The following MLXIP variants were observed in gnomAD, a reference collection of about 807,000 sequenced individuals.
MLXIP encodes MLX interacting protein.
A neutral mutation model predicts 87.2 loss-of-function variants in MLXIP; 30 were observed. The ratio of observed to expected loss-of-function variants is 0.34; its 90% CI spans 0.26 to 0.47. The LOEUF is 0.47. Ranked by LOEUF, MLXIP falls within the 20% of genes least tolerant of loss-of-function variation. The pLI, the probability that MLXIP is intolerant of heterozygous loss-of-function variation, is 1.00. For synonymous variants in MLXIP, 530 were observed against 514.0 expected, an observed-to-expected ratio of 1.03 and a Z score of -0.42; for missense variants, 1,002 against 1,240.1, an observed-to-expected ratio of 0.81 and a Z score of 2.88.
chr12:122,137,626 G>A lies in MLXIP; in HGVS notation c.2154+36G>A. The A allele has an allele frequency of 8.7e-6, 14 of 1,607,930 alleles. No homozygotes were observed. Among genetic ancestry groups the A allele is most frequent in the Non-Finnish European group, 1.2e-5 (14 of 1,177,104 alleles). On this transcript the variant is annotated intron_variant, in intron 12 of 16. Transcript: ENST00000319080. This position sits in a 1 kb window ranked among gnomAD's most constrained non-coding sequence, Gnocchi z 4.1. ...TCTCCTCTTGGTTCCCTTGGGAGGA[G>A]GGGAGAGGAGTGCAGGACATCAAGG...
rs1415884338 is a variant in MLXIP at position 122,142,202 on chromosome 12, GC to G, written c.*392del. On this transcript the variant is annotated 3_prime_UTR_variant, in exon 17 of 17. Coordinates refer to ENST00000319080, the MANE Select transcript of MLXIP (RefSeq NM_014938.6). ...GGGCCTGCTCCTGTCCTGAGGCCCA[GC>G]CTTGTCCCTCCTGCCACGTCCTGTC... 1.4e-6 allele frequency: 1 copy of G among 701,080 alleles called. No homozygotes were observed. Among genetic ancestry groups the G allele is most frequent in the Non-Finnish European group, 2.6e-6 (1 of 384,612 alleles). 43.4% of individuals were successfully genotyped at this position (701,080 alleles called of 1,614,324 possible). A position where few individuals can be genotyped will look rare whatever the true frequency, so the allele number is the denominator to read the frequency against.
intron 1 of MLXIP, among the ~76,000 whole-genome samples, chr12:122,114,737 C>CTTT (rs1278951793): frequency 3.3e-5 from 4 of 121,044 alleles, no homozygotes; most frequent in South Asian, 2.7e-4. Context: ...AAGGTGACTT[C>CTTT]TTTTTTTTTT....
chr12:122,132,218 G>A (rs1351686555), intron 7 of MLXIP, 74 bp from the exon 8 acceptor site: 2 of 1,198,044 alleles, frequency 1.7e-6, no homozygotes, highest in South Asian at 1.3e-5. Flanking sequence ...CACCGTGCCT[G>A]GCCCTGTTTG....
rs1952281202 is a variant in MLXIP, at chr12:122,093,458, TGTATGTTTGCG to T, written c.413+14195_413+14205del. ...GTGTGTGTTGTATGTGTGGGGTGTG[TGTATGTTTGCG>T]GTGTGTTTGGTGTGTGGTGTGTGTG... On this transcript the variant is annotated intron_variant, in intron 1 of 16. Transcript: ENST00000319080. Among the ~76,000 whole-genome samples, 17 of 143,124 alleles carry T rather than the reference TGTATGTTTGCG, an allele frequency of 1.2e-4. 1 individual carries two copies. In the South Asian group the frequency reaches 3.7e-3, roughly 31 times the overall value. The allele number at this position is 143,124 out of a possible 152,430, so 93.9% of individuals were successfully genotyped here. A position where few individuals can be genotyped will look rare whatever the true frequency, so the allele number is the denominator to read the frequency against.
At chr12:122,108,219 T>C (rs539322430) in intron 1 of MLXIP, among the ~76,000 whole-genome samples, 1 of 151,854 alleles carries the variant, frequency 6.6e-6, no homozygotes, top group Non-Finnish European at 1.5e-5. Flanking sequence ...AATACAAAAA[T>C]TAGCCAGGTA....
intron 4 of MLXIP, 44 bp from the exon 5 acceptor site, chr12:122,129,544 C>G: frequency 6.2e-7 from 1 of 1,607,786 alleles, no homozygotes. Flanking sequence ...TTGGGCCCTC[C>G]TAGGGCCATT....
At position 122,137,472 on chromosome 12, in the gene MLXIP, G is replaced by T. The variant is rs772995790; in HGVS notation, c.2036G>T (p.Arg679Leu). The T allele has an allele frequency of 6.2e-7, 1 of 1,613,580 alleles. No individual in the cohort carries two copies. Among genetic ancestry groups the T allele is most frequent in the Admixed American group, 1.7e-5 (1 of 59,968 alleles). ...CAGAGGAGTCTGTTCTTACCAGGTC[G>T]GGACTGCCCAAACTCAGGGCAGGCC... Reference protein sequence around the residue: ...SPQVTVTGPSRDCPNSGQASP... With the variant: ...SPQVTVTGPSLDCPNSGQASP... Residue 679 changes from arginine to leucine, a missense_variant, in exon 12 of 17, where the codon CGG (arginine) becomes CTG (leucine). Arg to Leu is a moderately radical substitution (Grantham distance 102). Around this residue, in one of 3 missense-constraint regions of MLXIP, gnomAD observed 746 missense variants for 897.0 expected, o/e 0.83. Coordinates refer to ENST00000319080, the MANE Select transcript of MLXIP (RefSeq NM_014938.6). This position sits in a 1 kb window ranked among gnomAD's most constrained non-coding sequence, Gnocchi z 4.1.
intron 1 of MLXIP, among the ~76,000 whole-genome samples, chr12:122,118,004 G>A (rs1368815633): frequency 6.6e-6 from 1 of 152,154 alleles, no homozygotes; most frequent in Non-Finnish European, 1.5e-5. Flanking sequence ...GCTTCTCTAG[G>A]TCATATCTGA....
chr12:122,113,393 G>C (rs984347517), intron 1 of MLXIP, among the ~76,000 whole-genome samples: 5 of 151,570 alleles, frequency 3.3e-5, no homozygotes, highest in African/African-American at 7.3e-5. Flanking sequence ...TCAGCCTCCC[G>C]AGTAGCTGGG....
At chr12:122,140,553 C>T (rs533005365) in intron 15 of MLXIP, among the ~76,000 whole-genome samples, 293 of 152,260 alleles carry the variant, frequency 1.9e-3, no homozygotes, top group Non-Finnish European at 3.5e-3. Context: ...CTCAGCCCCC[C>T]AAAGTGCTGG....
intron 1 of MLXIP, among the ~76,000 whole-genome samples, chr12:122,106,595 CTTTTTTTTTTTTT>C (rs1162475087): frequency 1.6e-5 from 1 of 62,872 alleles, no homozygotes; most frequent in African/African-American, 5.9e-5. Context: ...ATCGCAGGTT[CTTTTTTTTTTTTT>C]TTTTTTTTTT....
At chr12:122,079,496 T>A (rs1952060995) in intron 1 of MLXIP, among the ~76,000 whole-genome samples, 1 of 152,152 alleles carries the variant, frequency 6.6e-6, no homozygotes, top group South Asian at 2.1e-4. Context: ...ACGTTCCCCA[T>A]CCAGGCCCTC....
chr12:122,124,042 G>A (rs1302303570), intron 1 of MLXIP, among the ~76,000 whole-genome samples: 1 of 152,148 alleles, frequency 6.6e-6, no homozygotes, highest in Non-Finnish European at 1.5e-5. Context: ...GGTCAGGTTG[G>A]CTATCCACCT....
At chr12:122,103,386 G>C (rs566796841) in intron 1 of MLXIP, among the ~76,000 whole-genome samples, 2 of 151,856 alleles carry the variant, frequency 1.3e-5, no homozygotes, top group Non-Finnish European at 2.9e-5. Flanking sequence ...CACCATGCCC[G>C]GCTAATTTTT....
chr12:122,141,764 G>A lies in MLXIP; in HGVS notation c.2712G>A (p.Gln904=), dbSNP rs1217635564. The change falls in exon 17 of 17, where the codon CAG becomes CAA. Residue 904 remains glutamine (Q), a synonymous_variant. Coordinates refer to ENST00000319080, the MANE Select transcript of MLXIP (RefSeq NM_014938.6). The part of the protein sequence containing the change: ...ILTDPAQLPE[Q]ASKAVTRIGK... ...CAGACCCGGCACAGCTGCCAGAGCA[G>A]GCGTCCAAGGCTGTCACCAGGATTG... 6.2e-7 allele frequency: 1 copy of A among 1,613,832 alleles called. No individual in the cohort carries two copies. Among genetic ancestry groups the A allele is most frequent in the African/African-American group, 1.3e-5 (1 of 75,068 alleles).
At chr12:122,140,227 T>C (rs182832623) in intron 15 of MLXIP, among the ~76,000 whole-genome samples, 1 of 152,340 alleles carries the variant, frequency 6.6e-6, no homozygotes, top group African/African-American at 2.4e-5. Context: ...TCTAGGAGAC[T>C]GGCATGCACT....
At chr12:122,101,474 G>A (rs901776424) in intron 1 of MLXIP, among the ~76,000 whole-genome samples, 3 of 147,702 alleles carry the variant, frequency 2.0e-5, no homozygotes, top group Non-Finnish European at 4.5e-5. Flanking sequence ...CATGCTTTTT[G>A]TGTTGTATTT....
In MLXIP at chr12:122,130,006, G is replaced by C; in HGVS notation, c.804G>C (p.Glu268Asp). The change falls in exon 6 of 17, where the codon GAG becomes GAC. Residue 268 changes from glutamate (E) to aspartate (D), a missense_variant. By Grantham distance (45) the Glu-to-Asp change is conservative. This residue lies in a region of MLXIP where 746 missense variants were observed against 897.0 expected (regional missense o/e 0.83). Coordinates refer to ENST00000319080, the MANE Select transcript of MLXIP (RefSeq NM_014938.6). ...DGWKTPVPME[E>D]DPLLDTDMLM... ...GGAAGACCCCCGTCCCCATGGAGGA[G>C]GATCCCCTGCTGGACACAGACATGC... 8 of 1,614,054 alleles carry C rather than the reference G, an allele frequency of 5.0e-6. No homozygotes were observed. The highest frequency in any genetic ancestry group is 6.8e-6 in the Non-Finnish European group (8 of 1,179,886).
chr12:122,131,970 C>G (rs1332986191), intron 7 of MLXIP, among the ~76,000 whole-genome samples: 1 of 126,282 alleles, frequency 7.9e-6, no homozygotes, highest in Non-Finnish European at 1.6e-5. Context: ...TGTCATCAGG[C>G]TGGAGTGCAG....
Sources: gnomAD v4.1 joint callset for allele counts (sites outside exome capture counted in the v4.1 genomes callset) on GRCh38, gnomAD v4.1.1 for gene constraint, gnomAD v4.1.1 regional missense constraint, Gnocchi (gnomAD v3.1) non-coding constraint, MANE v1.5 for transcripts, NCBI Gene and HGNC (gene_info 2026-07-23, HGNC 2026-07-21) for gene names.